GRID2IP: variants seen among roughly 807,000 people sequenced by gnomAD.
GRID2IP encodes the protein Grid2 interacting protein.
GRID2IP carries 78 observed loss-of-function variants against 114.3 expected under a neutral mutation model. That is an observed-to-expected ratio of 0.68 (90% CI 0.57 to 0.82). GRID2IP has a LOEUF of 0.82. Ranked by LOEUF, GRID2IP falls within the 40% of genes least tolerant of loss-of-function variation. The pLI, the probability that GRID2IP is intolerant of heterozygous loss-of-function variation, is 0.00. For synonymous variants in GRID2IP, 809 were observed against 724.0 expected, an observed-to-expected ratio of 1.12 and a Z score of -1.89; for missense variants, 1,727 against 1,678.5, an observed-to-expected ratio of 1.03 and a Z score of -0.51.
Position 6,521,922 on chromosome 7 carries a change from C to A in GRID2IP, c.955G>T (p.Asp319Tyr). The change falls in exon 5 of 22, where the codon GAC (aspartate) becomes TAC (tyrosine). Residue 319 changes from aspartate (D) to tyrosine (Y), a missense_variant. Physicochemically the swap from Asp to Tyr is radical, Grantham distance 160. Coordinates refer to ENST00000457091, the MANE Select transcript of GRID2IP (RefSeq NM_001145118.2). This position sits in a 1 kb window ranked among gnomAD's most constrained non-coding sequence, Gnocchi z 4.1. ...AGTCCATTGAGGAAGAGGATCCGGT[C>A]ACCTGACTTGAGGGCAGCATTGTCA... ...PADNAALKSGDRILFLNGLDM... is the reference protein window; with the variant it reads ...PADNAALKSGYRILFLNGLDM... 1 of 1,551,532 alleles carries A rather than the reference C, an allele frequency of 6.4e-7. No individual in the cohort carries two copies. The highest frequency in any genetic ancestry group is 1.2e-5 in the South Asian group (1 of 84,032).
At chr7:6,510,172 G>A in intron 11 of GRID2IP, 111 bp downstream of exon 11, 1 of 644,502 alleles carries the variant, frequency 1.6e-6, no homozygotes, top group Admixed American at 3.4e-5. Flanking sequence ...ACAGGGCCAT[G>A]GGAGGGACTG....
chr7:6,509,108 G>C lies in GRID2IP; in HGVS notation c.1977C>G (p.Thr659=). ...AGAGCTTCCTGCGGCTGGGCGGGCG[G>C]GTGGGGTCCGGGCTTGGGGGGCTGT... The part of the protein sequence containing the change: ...CPDSPPSPDP[T]RPPSRRKLFT... Residue 659 remains threonine (T), a synonymous_variant, in exon 12 of 22, where the codon ACC becomes ACG. Coordinates refer to ENST00000457091, the MANE Select transcript of GRID2IP (RefSeq NM_001145118.2). This position sits in a 1 kb window ranked among gnomAD's most constrained non-coding sequence, Gnocchi z 4.9. 6.8e-7 allele frequency: 1 copy of C among 1,476,658 alleles called. No homozygotes were observed. 91.5% of individuals were successfully genotyped at this position (1,476,658 alleles called of 1,614,324 possible). A position where few individuals can be genotyped will look rare whatever the true frequency, so the allele number is the denominator to read the frequency against.
chr7:6,529,307 C>T (rs552008471), intron 2 of GRID2IP, among the ~76,000 whole-genome samples: 2 of 152,182 alleles, frequency 1.3e-5, no homozygotes, highest in South Asian at 2.1e-4. Flanking sequence ...AAAACTTAGC[C>T]GGGCATGGTA....
rs1779558719 is a variant in GRID2IP, at chr7:6,528,525, T to C, written c.585-1756A>G. Reference sequence around the variant, plus strand: ...TGGTTGCCTGTGAGGTCTCCCTGGCTGCATCCCAAGGCCCCCTTCCCTGTT... The same window carrying C: ...TGGTTGCCTGTGAGGTCTCCCTGGCCGCATCCCAAGGCCCCCTTCCCTGTT... On this transcript the variant is annotated intron_variant, in intron 2 of 21. Coordinates refer to ENST00000457091, the MANE Select transcript of GRID2IP (RefSeq NM_001145118.2). This position sits in a 1 kb window ranked among gnomAD's most constrained non-coding sequence, Gnocchi z 6.0. Among the ~76,000 whole-genome samples the C allele has an allele frequency of 6.6e-6, 1 of 152,170 alleles. No homozygotes were observed. The highest frequency in any genetic ancestry group is 2.4e-5 in the African/African-American group (1 of 41,442).
chr7:6,503,595 C>T lies in GRID2IP; in HGVS notation c.2803G>A (p.Ala935Thr), dbSNP rs1244096244. The change falls in exon 16 of 22, where the codon GCG becomes ACG. Residue 935 changes from alanine to threonine, a missense_variant. By Grantham distance (58) the Ala-to-Thr change is moderately conservative (BLOSUM62 0). Transcript: ENST00000457091. ...TCGGGCGCGAAGAGCAGCAGCTGCG[C>T]GAGATGTGCGGGCTCCAGGCGCCGG... ...EPRRLEPAHLAQLLLFAPDAD... is the reference protein window; with the variant it reads ...EPRRLEPAHLTQLLLFAPDAD... 1 of 1,529,224 alleles carries T rather than the reference C, an allele frequency of 6.5e-7. No individual in the cohort carries two copies. Among genetic ancestry groups the T allele is most frequent in the Non-Finnish European group, 8.7e-7 (1 of 1,144,452 alleles). The allele number at this position is 1,529,224 out of a possible 1,614,324, so 94.7% of individuals were successfully genotyped here.
chr7:6,521,351 G>T lies in GRID2IP; in HGVS notation c.1084+78C>A, dbSNP rs1348568402. On this transcript the variant is annotated intron_variant, in intron 6 of 21. Transcript: ENST00000457091. This position sits in a 1 kb window ranked among gnomAD's most constrained non-coding sequence, Gnocchi z 4.1. Reference sequence around the variant, plus strand: ...GTTTAGGGGAAGAGCTGAGTCCTCCGCACTGTGACTCTCACATATAGCAGC... The same window carrying T: ...GTTTAGGGGAAGAGCTGAGTCCTCCTCACTGTGACTCTCACATATAGCAGC... 9 of 1,041,770 alleles carry T rather than the reference G, an allele frequency of 8.6e-6. No individual in the cohort carries two copies. In the African/African-American group the frequency reaches 1.3e-4, roughly 15 times the overall value. The allele number at this position is 1,041,770 out of a possible 1,614,324, so 64.5% of individuals were successfully genotyped here.
At chr7:6,541,020 C>T (rs750992137) in intron 1 of GRID2IP, among the ~76,000 whole-genome samples, 48 of 151,762 alleles carry the variant, frequency 3.2e-4, no homozygotes, top group Non-Finnish European at 6.0e-4. Flanking sequence ...TTTTTATAAT[C>T]CCTCATCTAC....
At chr7:6,504,972 G>C in intron 14 of GRID2IP, 102 bp from the exon 15 acceptor site, 1 of 883,952 alleles carries the variant, frequency 1.1e-6, no homozygotes, top group Non-Finnish European at 1.8e-6. Context: ...ATCCCCCTAA[G>C]CACGACCTCG....
At position 6,516,371 on chromosome 7, in the gene GRID2IP, A is replaced by AT. The variant is rs1294300658; in HGVS notation, c.1269-1843dup. 6.6e-6 allele frequency among the ~76,000 whole-genome samples: 1 copy of AT among 152,206 alleles called. No homozygotes were observed. The highest frequency in any genetic ancestry group is 2.4e-5 in the African/African-American group (1 of 41,446). On this transcript the variant is annotated intron_variant, in intron 7 of 21. Transcript: ENST00000457091. This position sits in a 1 kb window ranked among gnomAD's most constrained non-coding sequence, Gnocchi z 4.3. ...TTGTAGCATTACTGTTTATTCCAAT[A>AT]TTATAATAATCTTTGTCCTACAATT... is the stretch of plus-strand genomic sequence containing the variant.
At chr7:6,505,123 G>T (rs912798748) in intron 14 of GRID2IP, among the ~76,000 whole-genome samples, 1 of 152,146 alleles carries the variant, frequency 6.6e-6, no homozygotes, top group African/African-American at 2.4e-5. Context: ...TCCTGGGACC[G>T]CCTGTTCCAC....
intron 18 of GRID2IP, among the ~76,000 whole-genome samples, 181 bp downstream of exon 18, chr7:6,502,605 C>T (rs116406473): frequency 0.016 from 2,429 of 149,518 alleles, 52 homozygotes; most frequent in African/African-American, 0.057. Context: ...CCCCACCCCA[C>T]CCCACCCCAC....
intron 2 of GRID2IP, among the ~76,000 whole-genome samples, chr7:6,530,334 G>A (rs1348151379): frequency 2.0e-5 from 3 of 151,046 alleles, no homozygotes; most frequent in African/African-American, 7.3e-5. Context: ...TACACTCTTG[G>A]CTCACTGCAA....
chr7:6,537,370 CTTTTTTTTTTTT>C (rs772469574), intron 2 of GRID2IP, among the ~76,000 whole-genome samples: 2 of 58,356 alleles, frequency 3.4e-5, no homozygotes, highest in African/African-American at 1.3e-4. Flanking sequence ...ATGGTGAGAC[CTTTTTTTTTTTT>C]TTTTTTTTTT....
rs1554274707 is a variant in GRID2IP at position 6,506,700 on chromosome 7, T to TTA, written c.2545-794_2545-793insTA. ...TGAGGTATTTTTTTTTTTTTTTTTT[T>TTA]AGATAGGGTCTCACTCTGTACCCCA... On this transcript the variant is annotated intron_variant, in intron 13 of 21. Coordinates refer to ENST00000457091, the MANE Select transcript of GRID2IP (RefSeq NM_001145118.2). This position sits in a 1 kb window ranked among gnomAD's most constrained non-coding sequence, Gnocchi z 5.2. 5.0e-4 allele frequency among the ~76,000 whole-genome samples: 74 copies of TTA among 147,560 alleles called. No individual in the cohort carries two copies. The highest frequency in any genetic ancestry group is 1.4e-3 in the Admixed American group (21 of 14,846).
At position 6,507,171 on chromosome 7, in the gene GRID2IP, T is replaced by C. The variant is rs1459285616; in HGVS notation, c.2544+814A>G. ...ATGGAGTTGAGGATGATGGTGATCA[T>C]GAGCACTGGGACGGGGCAGCCCTGG... On this transcript the variant is annotated intron_variant, in intron 13 of 21. Transcript: ENST00000457091. This position sits in a 1 kb window ranked among gnomAD's most constrained non-coding sequence, Gnocchi z 5.3. Among the ~76,000 whole-genome samples the C allele has an allele frequency of 6.6e-6, 1 of 152,140 alleles. No homozygotes were observed. Among genetic ancestry groups the C allele is most frequent in the African/African-American group, 2.4e-5 (1 of 41,418 alleles).
At chr7:6,500,891 C>T (rs1214523268) in intron 20 of GRID2IP, among the ~76,000 whole-genome samples, 1 of 152,222 alleles carries the variant, frequency 6.6e-6, no homozygotes, top group Non-Finnish European at 1.5e-5. Context: ...ATGTCCCACC[C>T]TCCTGACTGC....
In GRID2IP at chr7:6,536,300, G is replaced by C. The variant is rs1434670406; in HGVS notation, c.584+3418C>G. 6.6e-5 allele frequency among the ~76,000 whole-genome samples: 10 copies of C among 152,238 alleles called. No homozygotes were observed. The highest frequency in any genetic ancestry group is 6.5e-4 in the Admixed American group (10 of 15,284). On this transcript the variant is annotated intron_variant, in intron 2 of 21. Coordinates refer to ENST00000457091, the MANE Select transcript of GRID2IP (RefSeq NM_001145118.2). The surrounding 1 kb of genome is among the most constrained non-coding windows in gnomAD (Gnocchi z 5.3). ...CCTCCCCAGTTTTCCTGGCGCACTT[G>C]ACACGCGCTTACAGCAGAGGCTGCC...
intron 2 of GRID2IP, among the ~76,000 whole-genome samples, chr7:6,527,718 C>T (rs1431604815): frequency 6.6e-6 from 1 of 152,150 alleles, no homozygotes; most frequent in Non-Finnish European, 1.5e-5. Context: ...CCTGCCTCAG[C>T]CTCCCTTGTA....
chr7:6,503,571 C>G lies in GRID2IP; in HGVS notation c.2827G>C (p.Asp943His). ...HLAQLLLFAPDADEEQRYQAF... is the reference protein window; with the variant it reads ...HLAQLLLFAPHADEEQRYQAF... ...TGGTAGCGCTGCTCCTCGTCGGCGT[C>G]GGGCGCGAAGAGCAGCAGCTGCGCG... Residue 943 changes from aspartate to histidine, a missense_variant, in exon 16 of 22, where the codon GAC (aspartate) becomes CAC (histidine). By Grantham distance (81) the Asp-to-His change is moderately conservative (BLOSUM62 -1). Coordinates refer to ENST00000457091, the MANE Select transcript of GRID2IP (RefSeq NM_001145118.2). 6 of 1,528,736 alleles carry G rather than the reference C, an allele frequency of 3.9e-6. No homozygotes were observed. The highest frequency in any genetic ancestry group is 1.4e-5 in the African/African-American group (1 of 71,904). The allele number at this position is 1,528,736 out of a possible 1,614,324, so 94.7% of individuals were successfully genotyped here.
Sources: gnomAD v4.1 joint callset for allele counts (sites outside exome capture counted in the v4.1 genomes callset) on GRCh38, gnomAD v4.1.1 for gene constraint, Gnocchi (gnomAD v3.1) non-coding constraint, MANE v1.5 for transcripts, NCBI Gene and HGNC (gene_info 2026-07-23, HGNC 2026-07-21) for gene names.